Variants in BCAS3 observed in about 807,000 individuals in gnomAD.
BCAS3 encodes BCAS3 microtubule associated cell migration factor, also known as BCAS4/BCAS3 fusion.
Under a neutral mutation model 116.1 loss-of-function variants are expected in BCAS3, and 53 were observed. That is an observed-to-expected ratio of 0.46 (90% CI 0.37 to 0.57). BCAS3 has a LOEUF of 0.57. Among genes scored for constraint, BCAS3 ranks in the 20% least tolerant of loss-of-function variants. The pLI is 0.00. For missense variants in BCAS3, 917 were observed against 1,165.4 expected, an observed-to-expected ratio of 0.79 and a Z score of 3.10; for synonymous variants, 391 against 408.2, an observed-to-expected ratio of 0.96 and a Z score of 0.51.
chr17:61,214,716 T>G lies in BCAS3; in HGVS notation c.2425+130152T>G, dbSNP rs941448573. ...AAAAAAAAAGAAAAAAAGAAAAAAA[T>G]TCAAAAACATTTTTTAATGAACTAT... On this transcript the variant is annotated intron_variant, in intron 22 of 23. Coordinates refer to ENST00000407086, the MANE Select transcript of BCAS3 (RefSeq NM_017679.5). The surrounding 1 kb of genome is among the most constrained non-coding windows in gnomAD (Gnocchi z 4.4). Among the ~76,000 whole-genome samples the G allele has an allele frequency of 1.6e-4, 24 of 151,796 alleles. No homozygotes were observed. The highest frequency in any genetic ancestry group is 3.3e-4 in the Admixed American group (5 of 15,238).
chr17:61,052,720 T>C (rs886835973), intron 19 of BCAS3, among the ~76,000 whole-genome samples: 16 of 127,752 alleles, frequency 1.3e-4, no homozygotes, highest in African/African-American at 4.1e-4. Flanking sequence ...TCTTTCTTTT[T>C]TTTTTTTTTT....
In BCAS3 at chr17:61,022,007, T is replaced by A. The variant is rs185687569; in HGVS notation, c.1637+6106T>A. 1.2e-4 allele frequency among the ~76,000 whole-genome samples: 19 copies of A among 152,346 alleles called. No homozygotes were observed. The South Asian group carries it at 2.7e-3, about 22-fold the overall frequency. Reference sequence around the variant, plus strand: ...TTCCCCACCTCATGTTTCTGCCTTATGTAAGTACCAGTTCTTCATAGCTAA... The same window carrying A: ...TTCCCCACCTCATGTTTCTGCCTTAAGTAAGTACCAGTTCTTCATAGCTAA... On this transcript the variant is annotated intron_variant, in intron 16 of 23. Transcript: ENST00000407086.
chr17:61,375,246 G>GCGCGCGCACA (rs1555861731), intron 23 of BCAS3, among the ~76,000 whole-genome samples: 3 of 150,666 alleles, frequency 2.0e-5, no homozygotes, highest in African/African-American at 7.5e-5. Flanking sequence ...GTGTGTGTGT[G>GCGCGCGCACA]TGTGTGTGTA....
At chr17:61,121,731 T>A (rs2075798659) in intron 22 of BCAS3, among the ~76,000 whole-genome samples, 1 of 152,222 alleles carries the variant, frequency 6.6e-6, no homozygotes, top group African/African-American at 2.4e-5. Context: ...AACATCTATT[T>A]TATATGTGTG....
intron 7 of BCAS3, among the ~76,000 whole-genome samples, chr17:60,840,272 T>G (rs75158818): frequency 0.016 from 2,511 of 152,310 alleles, 36 homozygotes; most frequent in South Asian, 0.045. Context: ...TAAAAGATCC[T>G]TTTGCATCTG....
intron 14 of BCAS3, among the ~76,000 whole-genome samples, chr17:60,973,025 T>C (rs2062060847): frequency 2.0e-5 from 3 of 152,326 alleles, no homozygotes; most frequent in African/African-American, 7.2e-5. Context: ...GGCGTTGTTA[T>C]TGGAATCATT....
In BCAS3 at chr17:60,719,073, A is replaced by T. The variant is rs544552030; in HGVS notation, c.321+9748A>T. Among the ~76,000 whole-genome samples the T allele has an allele frequency of 3.9e-5, 6 of 152,318 alleles. No individual in the cohort carries two copies. The East Asian group carries it at 1.2e-3, about 29-fold the overall frequency. ...CGAGGCTCTGTCTCAAAAAAAACAA[A>T]AACAAACAAACAAAAAAACTTAGTT... On this transcript the variant is annotated intron_variant, in intron 5 of 23. Coordinates refer to ENST00000407086, the MANE Select transcript of BCAS3 (RefSeq NM_017679.5).
At chr17:61,183,456 A>C (rs903555862) in intron 22 of BCAS3, among the ~76,000 whole-genome samples, 1 of 152,084 alleles carries the variant, frequency 6.6e-6, no homozygotes, top group Non-Finnish European at 1.5e-5. Context: ...AATTCATATG[A>C]TGTCTCAAGC....
At chr17:60,918,122 C>T (rs55735617) in intron 12 of BCAS3, among the ~76,000 whole-genome samples, 114 of 152,222 alleles carry the variant, frequency 7.5e-4, no homozygotes, top group Middle Eastern at 3.4e-3. Context: ...CTCAATTTCT[C>T]GTATATCCTT....
intron 22 of BCAS3, among the ~76,000 whole-genome samples, chr17:61,129,403 G>A (rs1360750423): frequency 6.6e-6 from 1 of 152,124 alleles, no homozygotes; most frequent in East Asian, 1.9e-4. Context: ...CCTTTTTATA[G>A]CTCTCAGAAG....
intron 13 of BCAS3, among the ~76,000 whole-genome samples, chr17:60,936,709 T>G (rs2059948489): frequency 6.6e-6 from 1 of 152,220 alleles, no homozygotes; most frequent in South Asian, 2.1e-4. Context: ...TGGGGTTGTT[T>G]GTTTTTTTCT....
At chr17:61,184,990 A>G (rs1423377183) in intron 22 of BCAS3, among the ~76,000 whole-genome samples, 1 of 152,084 alleles carries the variant, frequency 6.6e-6, no homozygotes, top group Non-Finnish European at 1.5e-5. Flanking sequence ...AGTGATGGAA[A>G]TATTCTATAT....
chr17:61,071,014 C>T (rs1390154535), intron 19 of BCAS3, among the ~76,000 whole-genome samples: 1 of 152,124 alleles, frequency 6.6e-6, no homozygotes, highest in Non-Finnish European at 1.5e-5. Flanking sequence ...TTAGATCTGT[C>T]CCTTTAACTT....
Position 61,390,572 on chromosome 17 carries a change from C to A in BCAS3, c.2594-1405C>A. On this transcript the variant is annotated intron_variant, in intron 23 of 23. Coordinates refer to ENST00000407086, the MANE Select transcript of BCAS3 (RefSeq NM_017679.5). This position sits in a 1 kb window ranked among gnomAD's most constrained non-coding sequence, Gnocchi z 6.8. ...TGGATCCCAAGGGCCCCTCCCCTCC[C>A]CAGGCCCAGGTGCCCGCCTCCTCCC... 1 of 152,272 alleles carries A rather than the reference C, an allele frequency of 6.6e-6. No individual in the cohort carries two copies. The allele number at this position is 152,272 out of a possible 1,614,324, so 9.4% of individuals were successfully genotyped here.
intron 22 of BCAS3, among the ~76,000 whole-genome samples, chr17:61,157,634 T>C (rs2077935198): frequency 1.6e-5 from 2 of 126,318 alleles, no homozygotes; most frequent in Admixed American, 1.8e-4. Flanking sequence ...AATGGGAGTG[T>C]TGTTTATAGA....
rs1190988071 is a variant in BCAS3 at position 61,388,082 on chromosome 17, G to A, written c.2594-3895G>A. On this transcript the variant is annotated intron_variant, in intron 23 of 23. Coordinates refer to ENST00000407086, the MANE Select transcript of BCAS3 (RefSeq NM_017679.5). The surrounding 1 kb of genome is among the most constrained non-coding windows in gnomAD (Gnocchi z 6.5). The stretch of plus-strand genomic sequence containing the variant: ...CACAGAGCCCCCAGCACTCTCTTTC[G>A]GGCCCTGGCAGGTTCCTGATGGACT... 2.0e-5 allele frequency among the ~76,000 whole-genome samples: 3 copies of A among 152,126 alleles called. No individual in the cohort carries two copies. Among genetic ancestry groups the A allele is most frequent in the Admixed American group, 6.5e-5 (1 of 15,274 alleles).
chr17:61,121,163 A>G (rs2075770089), intron 22 of BCAS3, among the ~76,000 whole-genome samples: 1 of 152,110 alleles, frequency 6.6e-6, no homozygotes, highest in Non-Finnish European at 1.5e-5. Flanking sequence ...CAGAGTTGCA[A>G]TTTCAACAGT....
chr17:60,836,457 A>C (rs1488041171), intron 7 of BCAS3, among the ~76,000 whole-genome samples: 1 of 152,162 alleles, frequency 6.6e-6, no homozygotes, highest in Non-Finnish European at 1.5e-5. Flanking sequence ...GTAAGTCCGA[A>C]AAATGTACAG....
At chr17:60,910,409 A>G in intron 11 of BCAS3, 123 bp from the exon 12 acceptor site, 3 of 714,912 alleles carry the variant, frequency 4.2e-6, no homozygotes, top group Non-Finnish European at 6.2e-6. Context: ...GTGACAGTTT[A>G]CTGCTATAAA....
Sources: allele counts gnomAD v4.1 joint callset (sites outside exome capture counted in the v4.1 genomes callset), GRCh38; gene constraint gnomAD v4.1.1; non-coding constraint Gnocchi (gnomAD v3.1); transcripts MANE v1.5; gene names NCBI Gene and HGNC (gene_info 2026-07-23, HGNC 2026-07-21).